TMEM59: variants seen among roughly 807,000 people sequenced by gnomAD.
TMEM59 encodes the protein dendritic cell factor 1.
In TMEM59, 44 loss-of-function variants were observed where a neutral mutation model predicts 42.2. That is an observed-to-expected ratio of 1.04 (90% CI 0.82 to 1.34). The LOEUF (loss-of-function observed/expected upper bound fraction) is 1.34, where lower values mean the gene tolerates loss of function less well. TMEM59 is among the 40% of genes most tolerant of loss of function. The probability of loss-of-function intolerance (pLI) is 0.00; values close to 1 mark genes in which losing one functional copy is unlikely to be tolerated. For synonymous variants in TMEM59, 148 were observed against 145.8 expected, an observed-to-expected ratio of 1.02 and a Z score of -0.11; for missense variants, 359 against 382.8, an observed-to-expected ratio of 0.94 and a Z score of 0.52.
intron 6 of TMEM59, among the ~76,000 whole-genome samples, chr1:54,038,716 C>A (rs1420496409): frequency 1.3e-5 from 2 of 152,168 alleles, no homozygotes; most frequent in African/African-American, 4.8e-5. Flanking sequence ...GGTTTGAATG[C>A]TAACATAGTG....
chr1:54,051,888 G>A (rs1657553320), intron 1 of TMEM59, among the ~76,000 whole-genome samples: 1 of 151,974 alleles, frequency 6.6e-6, no homozygotes, highest in South Asian at 2.1e-4. Context: ...TTAAAATCCA[G>A]CCGTAACAAA....
intron 2 of TMEM59, among the ~76,000 whole-genome samples, chr1:54,046,130 G>A (rs1569961938): frequency 6.6e-6 from 1 of 152,164 alleles, no homozygotes; most frequent in Admixed American, 6.5e-5. Flanking sequence ...ATTTGTTGGT[G>A]TGTGTGACCT....
chr1:54,046,041 T>C (rs1286330480), intron 2 of TMEM59, among the ~76,000 whole-genome samples: 1 of 152,186 alleles, frequency 6.6e-6, no homozygotes, highest in African/African-American at 2.4e-5. Flanking sequence ...ATGACATTCA[T>C]ATAAGAGGAT....
At chr1:54,052,054 G>C (rs1657560183) in intron 1 of TMEM59, among the ~76,000 whole-genome samples, 1 of 152,180 alleles carries the variant, frequency 6.6e-6, no homozygotes, top group African/African-American at 2.4e-5. Flanking sequence ...AAATAGCATA[G>C]AGGAGATGAA....
intron 4 of TMEM59, among the ~76,000 whole-genome samples, chr1:54,042,074 A>G (rs1657160504): frequency 6.7e-6 from 1 of 149,096 alleles, no homozygotes; most frequent in African/African-American, 2.5e-5. Flanking sequence ...TTTTTTTTAA[A>G]GGGAGAGAGG....
intron 3 of TMEM59, chr1:54,044,504 A>ATTTTTTT (rs1657259493): frequency 7.0e-6 from 1 of 142,908 alleles, no homozygotes; most frequent in African/African-American, 2.6e-5. Context: ...TTCTTTTTTC[A>ATTTTTTT]TCTGTTTTTT....
chr1:54,046,261 T>G (rs1188968131), intron 2 of TMEM59, among the ~76,000 whole-genome samples: 1 of 152,218 alleles, frequency 6.6e-6, no homozygotes, highest in Non-Finnish European at 1.5e-5. Context: ...ATATAAGGTA[T>G]TATTGTTAAG....
rs1208818257 is a variant in TMEM59, at chr1:54,040,849, G to GT, written c.626-13dup. 1.2e-6 allele frequency: 2 copies of GT among 1,608,390 alleles called. No homozygotes were observed. The highest frequency in any genetic ancestry group is 2.2e-5 in the South Asian group (2 of 90,880). On this transcript the variant is annotated splice_polypyrimidine_tract_variant and intron_variant, in intron 5 of 7. Coordinates refer to ENST00000234831, the MANE Select transcript of TMEM59 (RefSeq NM_004872.5). ...TCTCATTTGCAGATCTGCTGAAATA[G>GT]TAAGTATGAGTTTATTATATCCTAT...
At chr1:54,050,420 G>C (rs1208814819) in intron 1 of TMEM59, among the ~76,000 whole-genome samples, 8 of 152,066 alleles carry the variant, frequency 5.3e-5, no homozygotes, top group African/African-American at 1.9e-4. Context: ...ACCGCGCCCA[G>C]CCTAAAACGA....
rs181611199 is a variant in TMEM59 at position 54,035,424 on chromosome 1, T to C, written c.816+1186A>G. Among the ~76,000 whole-genome samples, 206 of 152,322 alleles carry C rather than the reference T, an allele frequency of 1.4e-3. 3 individuals carry two copies. The highest frequency in any genetic ancestry group is 8.5e-4 in the Non-Finnish European group (58 of 68,032). On this transcript the variant is annotated intron_variant, in intron 7 of 7. Coordinates refer to ENST00000234831, the MANE Select transcript of TMEM59 (RefSeq NM_004872.5). ...ATTCTATATTTAGTTATATAAATAC[T>C]TTTCTGTTCTTGAAAGCTAAGTTGA...
intron 7 of TMEM59, among the ~76,000 whole-genome samples, chr1:54,032,924 C>CTTT (rs746149150): frequency 7.2e-6 from 1 of 138,086 alleles, no homozygotes; most frequent in Admixed American, 7.3e-5. Context: ...GTCTCTGTCT[C>CTTT]TTTTTTTTTT....
chr1:54,050,403 G>A (rs992330252), intron 1 of TMEM59, among the ~76,000 whole-genome samples: 1 of 152,092 alleles, frequency 6.6e-6, no homozygotes, highest in Admixed American at 6.5e-5. Context: ...AATTACAGGC[G>A]TGAGCCACCG....
Position 54,042,046 on chromosome 1 carries a change from G to GTTTTTTTTTTTTT in TMEM59, c.544-242_544-241insAAAAAAAAAAAAA, listed in dbSNP as rs1253767145. On this transcript the variant is annotated intron_variant, in intron 4 of 7. Transcript: ENST00000234831. ...TATGTTAGTTTAACTTCCTGACAACGTTTTGTTTTGTTTTTTTTTTTTTTT... is the reference window on the plus strand; with the variant it reads ...TATGTTAGTTTAACTTCCTGACAACGTTTTTTTTTTTTTTTTTGTTTTGTTTTTTTTTTTTTTT... Among the ~76,000 whole-genome samples, 2 of 142,682 alleles carry GTTTTTTTTTTTTT rather than the reference G, an allele frequency of 1.4e-5. 1 individual carries two copies. The highest frequency in any genetic ancestry group is 5.7e-5 in the African/African-American group (2 of 35,208). The allele number at this position is 142,682 out of a possible 152,430, so 93.6% of individuals were successfully genotyped here.
chr1:54,046,473 C>T (rs1025844462), intron 2 of TMEM59, among the ~76,000 whole-genome samples: 8 of 152,122 alleles, frequency 5.3e-5, no homozygotes, highest in South Asian at 2.1e-4. Context: ...TAACATTTTA[C>T]CACTATCCTA....
chr1:54,047,301 A>C lies in TMEM59; in HGVS notation c.261T>G (p.Ile87Met). 1 of 1,613,984 alleles carries C rather than the reference A, an allele frequency of 6.2e-7. No individual in the cohort carries two copies. Among genetic ancestry groups the C allele is most frequent in the Non-Finnish European group, 8.5e-7 (1 of 1,179,942 alleles). ...ATTCCAATTTAGTTCGATTTAAGTC[A>C]ATTCCATCATCCACAAACTGACAAA... ...FSICQFVDDG[I>M]DLNRTKLECE... The change falls in exon 2 of 8, where the codon ATT (isoleucine) becomes ATG (methionine). Residue 87 changes from isoleucine to methionine, a missense_variant. Coordinates refer to ENST00000234831, the MANE Select transcript of TMEM59 (RefSeq NM_004872.5).
chr1:54,032,061 A>T lies in TMEM59; in HGVS notation c.*89T>A. 2.5e-6 allele frequency: 3 copies of T among 1,186,340 alleles called. No individual in the cohort carries two copies. The highest frequency in any genetic ancestry group is 2.3e-6 in the Non-Finnish European group (2 of 885,686). The allele number at this position is 1,186,340 out of a possible 1,614,324, so 73.5% of individuals were successfully genotyped here. A position where few individuals can be genotyped will look rare whatever the true frequency, so the allele number is the denominator to read the frequency against. ...ATTTGCATTTTATAGTGATTTCTTA[A>T]GGCCTATATCCAATGAAACCATTTT... is the stretch of plus-strand genomic sequence containing the variant. On this transcript the variant is annotated 3_prime_UTR_variant, in exon 8 of 8. Transcript: ENST00000234831.
intron 1 of TMEM59, among the ~76,000 whole-genome samples, chr1:54,051,300 C>A (rs1265086078): frequency 2.0e-5 from 3 of 152,008 alleles, no homozygotes; most frequent in Admixed American, 6.6e-5. Flanking sequence ...ATTTTAAAAC[C>A]CTACTTTACA....
intron 4 of TMEM59, 77 bp from the exon 5 acceptor site, chr1:54,041,882 T>C (rs1553167287): frequency 1.7e-6 from 2 of 1,145,446 alleles, no homozygotes. Flanking sequence ...AAACAAATCA[T>C]CTCTTTAAAC....
At chr1:54,048,722 C>A in intron 1 of TMEM59, 1 of 396,408 alleles carries the variant, frequency 2.5e-6, no homozygotes, top group Non-Finnish European at 5.2e-6. Flanking sequence ...AGTTAGCAAC[C>A]AATGAAATAC....
Sources: allele counts gnomAD v4.1 joint callset (sites outside exome capture counted in the v4.1 genomes callset), GRCh38; gene constraint gnomAD v4.1.1; transcripts MANE v1.5; gene names NCBI Gene and HGNC (gene_info 2026-07-23, HGNC 2026-07-21).